Variants in WWOX observed in about 807,000 individuals in gnomAD.
The protein encoded by WWOX is WW domain containing oxidoreductase, also known as WW domain-containing oxidoreductase.
A neutral mutation model predicts 46.2 loss-of-function variants in WWOX; 69 were observed. The observed-to-expected ratio is 1.49, with a 90% CI of 1.23 to 1.82. The LOEUF is 1.82. WWOX is among the 40% of genes most tolerant of loss of function. WWOX has a pLI of 0.00. For synonymous variants in WWOX, 359 were observed against 202.6 expected (o/e 1.77, Z -6.56); for missense variants, 919 against 542.6 (o/e 1.69, Z -6.89).
At chr16:78,642,486 G>A (rs914630815) in intron 8 of WWOX, among the ~76,000 whole-genome samples, 14 of 152,050 alleles carry the variant, frequency 9.2e-5, no homozygotes, top group Non-Finnish European at 1.8e-4. Context: ...CCATGTATGT[G>A]CACCAGGTCA....
intron 8 of WWOX, among the ~76,000 whole-genome samples, chr16:78,838,970 G>A (rs1368293185): frequency 6.6e-6 from 1 of 152,140 alleles, no homozygotes; most frequent in East Asian, 1.9e-4. Flanking sequence ...TGGTATAGAT[G>A]GAAATGTTCT....
At chr16:78,682,637 G>T (rs1374080071) in intron 8 of WWOX, among the ~76,000 whole-genome samples, 1 of 152,202 alleles carries the variant, frequency 6.6e-6, no homozygotes, top group Non-Finnish European at 1.5e-5. Context: ...CCAGCAGTCT[G>T]TGAGACTGAG....
intron 5 of WWOX, among the ~76,000 whole-genome samples, chr16:78,353,930 T>G (rs949624072): frequency 2.0e-5 from 3 of 152,258 alleles, no homozygotes. Flanking sequence ...CTTTATTTCC[T>G]TAAGTGAACA....
intron 4 of WWOX, among the ~76,000 whole-genome samples, chr16:78,131,121 C>T (rs759879022): frequency 5.3e-5 from 8 of 152,134 alleles, no homozygotes; most frequent in Non-Finnish European, 1.0e-4. Context: ...ATGGGACCGC[C>T]GTTGTATCTG....
At chr16:78,503,598 A>C (rs2085122524) in intron 8 of WWOX, 1 of 152,232 alleles carries the variant, frequency 6.6e-6, no homozygotes, top group South Asian at 2.1e-4. Context: ...AAACTGAAAG[A>C]ACATTTCCAC....
rs554260927 is a variant in WWOX at position 78,333,948 on chromosome 16, G to C, written c.517-52912G>C. Among the ~76,000 whole-genome samples the C allele has an allele frequency of 2.7e-5, 4 of 149,876 alleles. No individual in the cohort carries two copies. In the South Asian group the frequency reaches 8.4e-4, roughly 31 times the overall value. ...TTCTTCTCTTTTAGAAACCTTGCGT[G>C]ATCCACTGATGGTAAATATTTCATG... On this transcript the variant is annotated intron_variant, in intron 5 of 8. Transcript: ENST00000566780.
At chr16:78,454,377 TGTGTA>T (rs2083764401) in intron 8 of WWOX, among the ~76,000 whole-genome samples, 1 of 151,046 alleles carries the variant, frequency 6.6e-6, no homozygotes, top group African/African-American at 2.5e-5. Context: ...TGTGTGTGTG[TGTGTA>T]TTATATGCAT....
At chr16:79,075,833 T>A (rs957900793) in intron 8 of WWOX, among the ~76,000 whole-genome samples, 9 of 152,194 alleles carry the variant, frequency 5.9e-5, no homozygotes, top group Non-Finnish European at 1.0e-4. Context: ...CCTGTTTCCT[T>A]CCCTTATAAC....
chr16:78,792,312 C>T (rs1360159118), intron 8 of WWOX, among the ~76,000 whole-genome samples: 1 of 152,144 alleles, frequency 6.6e-6, no homozygotes, highest in Non-Finnish European at 1.5e-5. Context: ...CCCAGCCCCA[C>T]CTTGGATCTC....
At chr16:78,402,968 A>C (rs1314710612) in intron 6 of WWOX, among the ~76,000 whole-genome samples, 1 of 152,152 alleles carries the variant, frequency 6.6e-6, no homozygotes, top group Non-Finnish European at 1.5e-5. Flanking sequence ...CCCAGGGCCC[A>C]GAAAGTCCCA....
At chr16:78,876,184 A>C (rs964413023) in intron 8 of WWOX, among the ~76,000 whole-genome samples, 12 of 150,162 alleles carry the variant, frequency 8.0e-5, no homozygotes, top group African/African-American at 2.9e-4. Flanking sequence ...TTAACAACGG[A>C]AAACACTTAA....
intron 5 of WWOX, among the ~76,000 whole-genome samples, chr16:78,358,595 T>A (rs8060293): frequency 0.74 from 112,411 of 151,994 alleles, 43,005 homozygotes; most frequent in African/African-American, 0.84. Flanking sequence ...GAAGTGGAGT[T>A]TGCAGTGAGC....
intron 8 of WWOX, among the ~76,000 whole-genome samples, chr16:79,060,447 G>T (rs769753827): frequency 7.9e-5 from 12 of 152,192 alleles, no homozygotes; most frequent in Admixed American, 1.3e-4. Flanking sequence ...CACTGAAGAT[G>T]GATAGAAGCT....
chr16:78,960,214 C>T (rs376552907), intron 8 of WWOX, among the ~76,000 whole-genome samples: 4 of 152,304 alleles, frequency 2.6e-5, no homozygotes, highest in East Asian at 3.9e-4. Context: ...TAATGTCTGA[C>T]ACCAAAAATG....
At chr16:79,043,233 G>T (rs954670750) in intron 8 of WWOX, among the ~76,000 whole-genome samples, 5 of 152,130 alleles carry the variant, frequency 3.3e-5, no homozygotes, top group African/African-American at 1.2e-4. Context: ...CTTGTTTCCT[G>T]TGAGGGTGCC....
At chr16:78,872,650 A>G (rs2044152517) in intron 8 of WWOX, 1 of 151,990 alleles carries the variant, frequency 6.6e-6, no homozygotes, top group Admixed American at 6.5e-5. Context: ...CTTACCTCAC[A>G]TTTGCTTGCA....
chr16:78,458,596 A>C (rs1187859676), intron 8 of WWOX, among the ~76,000 whole-genome samples: 1 of 151,972 alleles, frequency 6.6e-6, no homozygotes, highest in African/African-American at 2.4e-5. Context: ...ACATTTATTT[A>C]TTTTCTTATA....
At chr16:78,306,247 A>G (rs1001673646) in intron 5 of WWOX, among the ~76,000 whole-genome samples, 4 of 152,266 alleles carry the variant, frequency 2.6e-5, no homozygotes, top group Admixed American at 6.5e-5. Context: ...TTATGGAATA[A>G]TAACATTCAT....
intron 4 of WWOX, among the ~76,000 whole-genome samples, chr16:78,125,106 G>A (rs529474678): frequency 3.9e-5 from 6 of 152,206 alleles, no homozygotes; most frequent in African/African-American, 1.4e-4. Context: ...GTACTTAATT[G>A]TTACAGATTC....
Sources: allele counts gnomAD v4.1 joint callset (sites outside exome capture counted in the v4.1 genomes callset), GRCh38; gene constraint gnomAD v4.1.1; transcripts MANE v1.5; gene names NCBI Gene and HGNC (gene_info 2026-07-23, HGNC 2026-07-21).